ANO1: variants seen among roughly 807,000 people sequenced by gnomAD.
The protein encoded by ANO1 is anoctamin 1, also known as anoctamin-1.
Under a neutral mutation model 124.0 loss-of-function variants are expected in ANO1, and 59 were observed. That is an observed-to-expected ratio of 0.48 (90% CI 0.39 to 0.59). The LOEUF (loss-of-function observed/expected upper bound fraction) is 0.59, where lower values mean the gene tolerates loss of function less well. Among genes scored for constraint, ANO1 ranks in the 20% least tolerant of loss-of-function variants. The probability of loss-of-function intolerance (pLI) is 0.00; values close to 1 mark genes in which losing one functional copy is unlikely to be tolerated. For synonymous variants in ANO1, 529 were observed against 532.0 expected, an observed-to-expected ratio of 0.99 and a Z score of 0.08; for missense variants, 1,059 against 1,328.0, an observed-to-expected ratio of 0.80 and a Z score of 3.15.
rs1390016452 is a variant in ANO1, at chr11:70,050,415, T to C, written c.59-28127T>C. 2.0e-5 allele frequency among the ~76,000 whole-genome samples: 3 copies of C among 152,158 alleles called. No homozygotes were observed. The East Asian group carries it at 5.8e-4, about 29-fold the overall frequency. On this transcript the variant is annotated intron_variant, in intron 1 of 27. Transcript: ENST00000531349. ...CTGGTCACACCATTGCTCCTGCTGC[T>C]TCTCACCCGGAGCCCCCTTCCTCGT...
intron 1 of ANO1, among the ~76,000 whole-genome samples, chr11:70,060,962 G>A (rs1462293256): frequency 2.0e-5 from 3 of 152,176 alleles, no homozygotes; most frequent in Admixed American, 6.5e-5. Context: ...GTTAAGTTAC[G>A]CTTTGTGAGT....
chr11:70,114,203 GAGCTCAGACCAC>G (rs1237635320), intron 7 of ANO1, among the ~76,000 whole-genome samples: 6 of 152,250 alleles, frequency 3.9e-5, no homozygotes, highest in Admixed American at 3.9e-4. Flanking sequence ...CAGGCTGGAG[GAGCTCAGACCAC>G]TTGCCCAGGG....
upstream of ANO1, among the ~76,000 whole-genome samples, chr11:70,077,099 C>T (rs1052347660): frequency 6.6e-6 from 1 of 152,206 alleles, no homozygotes; most frequent in Non-Finnish European, 1.5e-5. Context: ...AACCATGGCA[C>T]GCTGACGACA....
At chr11:70,035,533 T>TAC (rs1207255455) in intron 1 of ANO1, among the ~76,000 whole-genome samples, 1 of 151,608 alleles carries the variant, frequency 6.6e-6, no homozygotes, top group Non-Finnish European at 1.5e-5. Context: ...TATATATATA[T>TAC]ATATACTTTA....
chr11:70,104,045 C>A lies in ANO1; in HGVS notation c.587C>A (p.Ser196Tyr). ...CGTGGCCTCCTGAAAAAAATCAACT[C>A]TGTGCTCCAGAAAATCACAGATCCC... ...ETRGLLKKIN[S>Y]VLQKITDPIQ... Residue 196 changes from serine (S) to tyrosine (Y), a missense_variant, in exon 4 of 26, where the codon TCT (serine) becomes TAT (tyrosine). Coordinates refer to ENST00000355303, the MANE Select transcript of ANO1 (RefSeq NM_018043.7). 1 of 1,612,558 alleles carries A rather than the reference C, an allele frequency of 6.2e-7. No homozygotes were observed. The highest frequency in any genetic ancestry group is 8.5e-7 in the Non-Finnish European group (1 of 1,179,348).
At chr11:70,058,904 C>T (rs1207556045) in intron 1 of ANO1, among the ~76,000 whole-genome samples, 4 of 152,058 alleles carry the variant, frequency 2.6e-5, no homozygotes, top group Middle Eastern at 6.3e-3. Context: ...CTATTGTCCG[C>T]CGAGTGCGGT....
At chr11:70,183,283 C>T (rs1565288146) in intron 24 of ANO1, among the ~76,000 whole-genome samples, 2 of 152,232 alleles carry the variant, frequency 1.3e-5, no homozygotes, top group South Asian at 4.1e-4. Flanking sequence ...GCATTGTTCT[C>T]TTGCTGATGA....
At position 70,108,362 on chromosome 11, in the gene ANO1, A is replaced by G. The variant is rs779861334; in HGVS notation, c.757A>G (p.Ile253Val). Residue 253 changes from isoleucine to valine, a missense_variant, in exon 6 of 26, where the codon ATC (isoleucine) becomes GTC (valine). This residue lies in a region of ANO1 where 809 missense variants were observed against 1,094.9 expected (regional missense o/e 0.74). Transcript: ENST00000355303. ...CTTGTCTCTGCAATAGGTCTATGAG[A>G]TCTTGAAGAGAACGACGTGTACAAA... Reference protein sequence around the residue: ...SKTRSTIVYEILKRTTCTKAK... With the variant: ...SKTRSTIVYEVLKRTTCTKAK... The G allele has an allele frequency of 2.5e-6, 4 of 1,612,224 alleles. No individual in the cohort carries two copies. The highest frequency in any genetic ancestry group is 1.7e-5 in the Admixed American group (1 of 60,000).
chr11:70,158,218 A>G (rs1344812480), intron 16 of ANO1, among the ~76,000 whole-genome samples: 3 of 152,236 alleles, frequency 2.0e-5, no homozygotes, highest in Non-Finnish European at 2.9e-5. Flanking sequence ...TTTCAATCCC[A>G]GGGACTTCAA....
At chr11:70,070,083 G>A (rs531122180) in intron 1 of ANO1, among the ~76,000 whole-genome samples, 1 of 152,268 alleles carries the variant, frequency 6.6e-6, no homozygotes, top group East Asian at 1.9e-4. Flanking sequence ...TGTCACAGAG[G>A]CCACTCTGTC....
intron 24 of ANO1, among the ~76,000 whole-genome samples, 180 bp downstream of exon 24, chr11:70,182,866 T>C (rs1440506368): frequency 6.6e-6 from 1 of 151,720 alleles, no homozygotes; most frequent in African/African-American, 2.4e-5. Flanking sequence ...CCCAGCACTT[T>C]GGGAGGGCCA....
At chr11:70,031,144 C>T (rs10793260) in intron 1 of ANO1, among the ~76,000 whole-genome samples, 47,009 of 152,046 alleles carry the variant, frequency 0.31, 7,852 homozygotes, top group Admixed American at 0.38. Flanking sequence ...GGAGTTTCAC[C>T]ATGTTGCCCA....
chr11:70,092,635 A>G (rs2044677786), intron 2 of ANO1, among the ~76,000 whole-genome samples: 1 of 152,112 alleles, frequency 6.6e-6, no homozygotes, highest in Admixed American at 6.5e-5. Context: ...TCCTTCCCAG[A>G]CCATGCTTTG....
the ANO1 span, among the ~76,000 whole-genome samples, chr11:69,978,235 G>A: frequency 0.011 from 1,629 of 152,312 alleles, 31 homozygotes; most frequent in African/African-American, 0.035. Context: ...CTGCCACCTC[G>A]GGTCCGACGA....
intron 1 of ANO1, among the ~76,000 whole-genome samples, chr11:70,059,684 G>C (rs1857528074): frequency 6.6e-6 from 1 of 152,150 alleles, no homozygotes; most frequent in Non-Finnish European, 1.5e-5. Context: ...TCTTACGGAT[G>C]GATTTCCATG....
At chr11:70,050,019 GCTGT>G (rs1555006135) in intron 1 of ANO1, among the ~76,000 whole-genome samples, 1 of 152,128 alleles carries the variant, frequency 6.6e-6, no homozygotes, top group African/African-American at 2.4e-5. Flanking sequence ...ACGCCCAGCT[GCTGT>G]CTGTGTTTTA....
intron 7 of ANO1, among the ~76,000 whole-genome samples, chr11:70,112,624 C>G (rs911066705): frequency 2.0e-5 from 3 of 147,906 alleles, no homozygotes; most frequent in Non-Finnish European, 4.4e-5. Flanking sequence ...ATGGCATGAT[C>G]TCGGCTCACG....
intron 1 of ANO1, among the ~76,000 whole-genome samples, chr11:70,004,675 T>C (rs930999845): frequency 2.6e-5 from 4 of 152,262 alleles, no homozygotes; most frequent in Non-Finnish European, 5.9e-5. Flanking sequence ...GCAATGGAGA[T>C]ATCTTTTGTG....
chr11:70,061,384 A>G (rs565339011), intron 1 of ANO1, among the ~76,000 whole-genome samples: 5 of 152,184 alleles, frequency 3.3e-5, no homozygotes, highest in Admixed American at 3.3e-4. Flanking sequence ...CTTGGGCAGA[A>G]CATTCCAGGT....
Sources: gnomAD v4.1 joint callset for allele counts (sites outside exome capture counted in the v4.1 genomes callset) on GRCh38, gnomAD v4.1.1 for gene constraint, gnomAD v4.1.1 regional missense constraint, MANE v1.5 for transcripts, NCBI Gene and HGNC (gene_info 2026-07-23, HGNC 2026-07-21) for gene names.